Variants in TRIM77 observed in about 807,000 individuals in gnomAD.
TRIM77 encodes the protein tripartite motif containing 77, also known as tripartite motif-containing protein 77.
TRIM77 carries 23 observed loss-of-function variants against 31.8 expected under a neutral mutation model. The ratio of observed to expected loss-of-function variants is 0.72; its 90% CI spans 0.52 to 1.02. TRIM77 has a LOEUF of 1.02. Ranked by LOEUF, TRIM77 falls within the 50% of genes least tolerant of loss-of-function variation. TRIM77 has a pLI of 0.00. For synonymous variants in TRIM77, 159 were observed against 183.1 expected, an observed-to-expected ratio of 0.87 and a Z score of 1.06; for missense variants, 446 against 539.2, an observed-to-expected ratio of 0.83 and a Z score of 1.71.
intron 3 of TRIM77, 145 bp from the exon 4 acceptor site, chr11:89,715,013 A>G (rs1461904506): frequency 1.4e-6 from 1 of 705,414 alleles, no homozygotes; most frequent in Admixed American, 2.9e-5. Flanking sequence ...AAAGAAAAAG[A>G]AAATGAAAAA....
chr11:89,716,786 A>AAT (rs1484529594), intron 5 of TRIM77, among the ~76,000 whole-genome samples: 1 of 152,210 alleles, frequency 6.6e-6, no homozygotes, highest in African/African-American at 2.4e-5. Flanking sequence ...GTTTAGGACT[A>AAT]ATAATGATAA....
intron 1 of TRIM77, 83 bp downstream of exon 1, chr11:89,710,792 A>G: frequency 8.8e-7 from 1 of 1,138,846 alleles, no homozygotes; most frequent in Non-Finnish European, 1.2e-6. Context: ...ACTTATCATT[A>G]TTGTTATTAA....
intron 2 of TRIM77, among the ~76,000 whole-genome samples, chr11:89,713,220 G>C (rs542279918): frequency 6.8e-6 from 1 of 146,196 alleles, no homozygotes; most frequent in African/African-American, 2.5e-5. Context: ...AGGTTGCAGT[G>C]AGCTGAGATC....
chr11:89,711,301 T>A, intron 1 of TRIM77, 109 bp from the exon 2 acceptor site: 2 of 553,170 alleles, frequency 3.6e-6, no homozygotes, highest in Non-Finnish European at 3.1e-6. Context: ...CCCCTGCATG[T>A]CTGCATTCTG....
At chr11:89,713,275 CA>C (rs1185402054) in intron 2 of TRIM77, among the ~76,000 whole-genome samples, 309 of 42,230 alleles carry the variant, frequency 7.3e-3, no homozygotes, top group African/African-American at 0.014. Context: ...GACTCCGTCT[CA>C]AAAAAAAAAA....
rs1451129532 is a variant in TRIM77, at chr11:89,717,380, G to A, written c.861G>A (p.Val287=). The A allele has an allele frequency of 1.3e-6, 2 of 1,546,164 alleles. No individual in the cohort carries two copies. Among genetic ancestry groups the A allele is most frequent in the Non-Finnish European group, 8.7e-7 (1 of 1,144,130 alleles). The change falls in exon 6 of 6, where the codon GTG becomes GTA. Residue 287 remains valine, a splice_region_variant and synonymous_variant. Coordinates refer to ENST00000398290, the MANE Select transcript of TRIM77 (RefSeq NM_001146162.1). ...GVSERLNFFR[V]YITLDRKICS... The stretch of plus-strand genomic sequence containing the variant: ...ATTCACTGTTTTCTTTTGCCATAGT[G>A]TATATCACCTTGGATCGTAAGATAT...
intron 4 of TRIM77, 23 bp downstream of exon 4, chr11:89,715,203 G>C (rs1475958420): frequency 1.3e-6 from 2 of 1,550,018 alleles, no homozygotes; most frequent in South Asian, 2.4e-5. Flanking sequence ...CTCTATCCAA[G>C]TCCTGGTAAT....
chr11:89,715,236 C>T (rs899463736), intron 4 of TRIM77, 56 bp downstream of exon 4: 5 of 1,489,880 alleles, frequency 3.4e-6, no homozygotes, highest in Non-Finnish European at 4.6e-6. Flanking sequence ...CAGGCTGTTT[C>T]TGCTGGGATC....
chr11:89,713,770 C>T (rs557973435), intron 2 of TRIM77, among the ~76,000 whole-genome samples: 144 of 152,022 alleles, frequency 9.5e-4, no homozygotes, highest in African/African-American at 3.1e-3. Flanking sequence ...GTAAAAGCAC[C>T]GAGTGTTTTG....
In TRIM77 at chr11:89,717,617, T is replaced by C. The variant is rs778998397; in HGVS notation, c.1098T>C (p.Asn366=). The C allele has an allele frequency of 6.4e-7, 1 of 1,551,398 alleles. No homozygotes were observed. The highest frequency in any genetic ancestry group is 1.4e-5 in the African/African-American group (1 of 73,148). ...GCAGAGAAGCCTGGACAAAGAGGAA[T>C]GACATGCGACTTGACTCTGAGGGTA... ...GLCREAWTKR[N]DMRLDSEGIF... is the part of the protein sequence containing the mutation. The change falls in exon 6 of 6, where the codon AAT becomes AAC. Residue 366 remains asparagine (N), a synonymous_variant. Coordinates refer to ENST00000398290, the MANE Select transcript of TRIM77 (RefSeq NM_001146162.1).
At chr11:89,711,153 T>G (rs1949119206) in intron 1 of TRIM77, among the ~76,000 whole-genome samples, 1 of 152,236 alleles carries the variant, frequency 6.6e-6, no homozygotes, top group African/African-American at 2.4e-5. Flanking sequence ...AAATAAGAGT[T>G]ACTTCTGAAA....
intron 2 of TRIM77, among the ~76,000 whole-genome samples, chr11:89,713,498 A>G (rs1949138729): frequency 7.0e-6 from 1 of 142,424 alleles, no homozygotes; most frequent in Non-Finnish European, 1.5e-5. Context: ...TAATAATAAT[A>G]ATAATATAAT....
intron 2 of TRIM77, among the ~76,000 whole-genome samples, chr11:89,713,685 G>GT (rs1949140377): frequency 6.6e-6 from 1 of 151,940 alleles, no homozygotes; most frequent in African/African-American, 2.4e-5. Context: ...AATGAACATT[G>GT]TAAGAAAGTA....
chr11:89,710,590 G>T lies in TRIM77; in HGVS notation c.292G>T (p.Glu98Ter). 1 of 1,551,576 alleles carries T rather than the reference G, an allele frequency of 6.4e-7. No individual in the cohort carries two copies. The highest frequency in any genetic ancestry group is 8.7e-7 in the Non-Finnish European group (1 of 1,146,936). Reference protein sequence around the residue: ...SAMLICRRHQEIKNLICETDR... With the variant: ...SAMLICRRHQ ...CATGCTGATCTGTAGGAGACACCAG[G>T]AAATCAAGAACCTCATCTGTGAAAC... The change falls in exon 1 of 6, where the codon GAA becomes TAA. Residue 98 changes from glutamate (E) to a stop codon, truncating the protein, a stop_gained. Coordinates refer to ENST00000398290, the MANE Select transcript of TRIM77 (RefSeq NM_001146162.1). LOFTEE classifies it high-confidence loss of function.
At position 89,711,477 on chromosome 11, in the gene TRIM77, G is replaced by A. The variant is rs768210208; in HGVS notation, c.479G>A (p.Arg160Lys). 1.5e-4 allele frequency: 222 copies of A among 1,519,878 alleles called. 1 individual carries two copies. The highest frequency in any genetic ancestry group is 8.1e-4 in the Admixed American group (35 of 43,290). The allele number at this position is 1,519,878 out of a possible 1,614,324, so 94.1% of individuals were successfully genotyped here. A position where few individuals can be genotyped will look rare whatever the true frequency, so the allele number is the denominator to read the frequency against. ...CAGAAAAATCAAAGAAATCTAAACA[G>A]AGAGACCAACATAATCGGAACATGG... ...KKQKNQRNLNRETNIIGTWEV... is the reference protein window; with the variant it reads ...KKQKNQRNLNKETNIIGTWEV... Residue 160 changes from arginine (R) to lysine (K), a missense_variant, in exon 2 of 6, where the codon AGA (arginine) becomes AAA (lysine). By Grantham distance (26) the Arg-to-Lys change is conservative. Transcript: ENST00000398290.
In TRIM77 at chr11:89,714,268, A is replaced by T; in HGVS notation, c.584A>T (p.Gln195Leu). The change falls in exon 3 of 6, where the codon CAA becomes CTA. Residue 195 changes from glutamine (Q) to leucine (L), a missense_variant. By Grantham distance (113) the Gln-to-Leu change is moderately radical (BLOSUM62 -2). This residue lies in a region of TRIM77 where 366 missense variants were observed against 447.9 expected (regional missense o/e 0.82). Coordinates refer to ENST00000398290, the MANE Select transcript of TRIM77 (RefSeq NM_001146162.1). ...KVCQYLREEE[Q>L]KHVESLAREG... ...TGTCAATACCTCCGTGAAGAAGAGCAAAAGCACGTAGAGAGCCTGGCAAGA... is the reference window on the plus strand; with the variant it reads ...TGTCAATACCTCCGTGAAGAAGAGCTAAAGCACGTAGAGAGCCTGGCAAGA... 6.4e-7 allele frequency: 1 copy of T among 1,551,754 alleles called. No homozygotes were observed. Among genetic ancestry groups the T allele is most frequent in the African/African-American group, 1.4e-5 (1 of 73,156 alleles).
Position 89,714,197 on chromosome 11 carries a change from T to C in TRIM77, c.513T>C (p.Phe171=). 2 of 1,546,330 alleles carry C rather than the reference T, an allele frequency of 1.3e-6. No homozygotes were observed. Among genetic ancestry groups the C allele is most frequent in the Non-Finnish European group, 1.7e-6 (2 of 1,144,540 alleles). The part of the protein sequence containing the change: ...ETNIIGTWEV[F]INLRSMMISA... ...TTAATCAACTATCACTACAGGTTTT[T>C]ATAAATTTGCGGAGCATGATGATCA... Residue 171 remains phenylalanine (F), a synonymous_variant, in exon 3 of 6, where the codon TTT becomes TTC. Transcript: ENST00000398290.
chr11:89,717,804 A>G lies in TRIM77; in HGVS notation c.1285A>G (p.Ile429Val), dbSNP rs1949173441. The change falls in exon 6 of 6, where the codon ATT (isoleucine) becomes GTT (valine). Residue 429 changes from isoleucine to valine, a missense_variant. By Grantham distance (29) the Ile-to-Val change is conservative. Around this residue, in one of 3 missense-constraint regions of TRIM77, gnomAD observed 366 missense variants for 447.9 expected, o/e 0.82. Coordinates refer to ENST00000398290, the MANE Select transcript of TRIM77 (RefSeq NM_001146162.1). ...TGTTAATGTTGCCCAAAGTTCCCTCATTTGTAGTTTCCTCTCACGCATCTT... is the reference window on the plus strand; with the variant it reads ...TGTTAATGTTGCCCAAAGTTCCCTCGTTTGTAGTTTCCTCTCACGCATCTT... ...SFVNVAQSSL[I>V]CSFLSRIFYF... The G allele has an allele frequency of 6.4e-7, 1 of 1,550,570 alleles. No homozygotes were observed. Among genetic ancestry groups the G allele is most frequent in the African/African-American group, 1.4e-5 (1 of 72,926 alleles).
chr11:89,712,809 C>A (rs1299713203), intron 2 of TRIM77, among the ~76,000 whole-genome samples: 3 of 152,074 alleles, frequency 2.0e-5, no homozygotes, highest in Admixed American at 1.3e-4. Context: ...CACATGAGCA[C>A]AGCAAGTTTG....
Sources: allele counts gnomAD v4.1 joint callset (sites outside exome capture counted in the v4.1 genomes callset), GRCh38; gene constraint gnomAD v4.1.1; regional missense constraint gnomAD v4.1.1; transcripts MANE v1.5; gene names NCBI Gene and HGNC (gene_info 2026-07-23, HGNC 2026-07-21).